SRPK2: variants seen among roughly 807,000 people sequenced by gnomAD.
SRPK2 encodes the protein SRSF protein kinase 2.
SRPK2 carries 21 observed loss-of-function variants against 90.8 expected under a neutral mutation model. The ratio of observed to expected loss-of-function variants is 0.23; its 90% CI spans 0.16 to 0.33. SRPK2 has a LOEUF of 0.33. SRPK2 is among the 10% of genes least tolerant of loss of function. The probability of loss-of-function intolerance (pLI) is 1.00; values close to 1 mark genes in which losing one functional copy is unlikely to be tolerated. For synonymous variants in SRPK2, 288 were observed against 311.1 expected, an observed-to-expected ratio of 0.93 and a Z score of 0.78; for missense variants, 620 against 869.0, an observed-to-expected ratio of 0.71 and a Z score of 3.60.
At chr7:105,234,302 C>T (rs1398030975) in intron 2 of SRPK2, among the ~76,000 whole-genome samples, 11 of 152,186 alleles carry the variant, frequency 7.2e-5, no homozygotes, top group African/African-American at 2.6e-4. Flanking sequence ...TAAAACAATG[C>T]AAATATATTA....
At chr7:105,163,497 T>G (rs369916602) in intron 6 of SRPK2, among the ~76,000 whole-genome samples, 51 of 151,892 alleles carry the variant, frequency 3.4e-4, no homozygotes, top group African/African-American at 1.2e-3. Context: ...TCAATTTGTG[T>G]GGAAAAAAAG....
upstream of SRPK2, chr7:105,389,472 T>C (rs1822079939): frequency 8.9e-7 from 1 of 1,127,558 alleles, no homozygotes; most frequent in Non-Finnish European, 1.1e-6. Flanking sequence ...AGAAGTCATT[T>C]TCTCTCCCAC....
chr7:105,293,143 C>T (rs56338352), intron 2 of SRPK2, among the ~76,000 whole-genome samples: 66,121 of 151,872 alleles, frequency 0.44, 15,710 homozygotes, highest in South Asian at 0.54. Context: ...ACTAAAAATA[C>T]AAAAATTGGC....
chr7:105,379,154 AAAATAT>A (rs909197128), intron 2 of SRPK2, among the ~76,000 whole-genome samples: 2 of 150,088 alleles, frequency 1.3e-5, no homozygotes, highest in African/African-American at 4.9e-5. Context: ...TCTCTAAAAA[AAAATAT>A]ATATATATAT....
intron 2 of SRPK2, chr7:105,244,506 G>A (rs1182080114): frequency 4.5e-6 from 2 of 444,610 alleles, no homozygotes; most frequent in Non-Finnish European, 8.2e-6. Context: ...CCCGGGAGGC[G>A]GAGCTTGCAG....
At chr7:105,384,257 T>C (rs1023431149) in intron 2 of SRPK2, among the ~76,000 whole-genome samples, 2 of 152,212 alleles carry the variant, frequency 1.3e-5, no homozygotes, top group Non-Finnish European at 2.9e-5. Flanking sequence ...TAAACAGCAC[T>C]ACAGTCCTTC....
chr7:105,375,905 CTACT>C (rs1351059715), intron 2 of SRPK2, among the ~76,000 whole-genome samples: 1 of 150,714 alleles, frequency 6.6e-6, no homozygotes, highest in Non-Finnish European at 1.5e-5. Flanking sequence ...GTAGTCCCAG[CTACT>C]CAGAAGGCTA....
At chr7:105,368,884 CAAAAAA>C (rs5886350) in intron 2 of SRPK2, among the ~76,000 whole-genome samples, 1 of 93,120 alleles carries the variant, frequency 1.1e-5, no homozygotes, top group African/African-American at 3.9e-5. Flanking sequence ...AACTCTATCT[CAAAAAA>C]AAAAAAAAAA....
At chr7:105,258,013 A>G (rs1229437029) in intron 2 of SRPK2, among the ~76,000 whole-genome samples, 2 of 151,934 alleles carry the variant, frequency 1.3e-5, no homozygotes, top group Non-Finnish European at 2.9e-5. Flanking sequence ...AGGGGGAGGC[A>G]GGATAATTGC....
upstream of SRPK2, among the ~76,000 whole-genome samples, chr7:105,392,987 ATTT>A (rs113221953): frequency 1.1e-5 from 1 of 94,994 alleles, no homozygotes; most frequent in Non-Finnish European, 2.2e-5. Flanking sequence ...TAATTTTTGT[ATTT>A]TTTTTTTTTT....
At chr7:105,202,175 T>C (rs1475036866) in intron 3 of SRPK2, among the ~76,000 whole-genome samples, 1 of 152,164 alleles carries the variant, frequency 6.6e-6, no homozygotes, top group Non-Finnish European at 1.5e-5. Flanking sequence ...CAGGTTAGAG[T>C]AGATTAGTTC....
chr7:105,174,288 G>C (rs1228608923), intron 3 of SRPK2, among the ~76,000 whole-genome samples: 1 of 152,096 alleles, frequency 6.6e-6, no homozygotes, highest in African/African-American at 2.4e-5. Flanking sequence ...CTATTTGGGA[G>C]ACTTACTGGC....
chr7:105,382,210 C>G lies in SRPK2; in HGVS notation c.71+6438G>C, dbSNP rs566986633. 1.7e-4 allele frequency among the ~76,000 whole-genome samples: 25 copies of G among 151,418 alleles called. No individual in the cohort carries two copies. The South Asian group carries it at 4.8e-3, about 29-fold the overall frequency. On this transcript the variant is annotated intron_variant, in intron 2 of 15. Transcript: ENST00000393651. ...CAAAGTATACCCAGATATCCTTTAG[C>G]CTGTGAATAAACTGTTAATCCACAC...
At chr7:105,253,797 C>T (rs1363342233) in intron 2 of SRPK2, among the ~76,000 whole-genome samples, 3 of 151,894 alleles carry the variant, frequency 2.0e-5, no homozygotes, top group African/African-American at 7.3e-5. Flanking sequence ...TGTAGTGCAA[C>T]AAAATTAAGT....
chr7:105,121,264 G>A (rs1457799675), intron 15 of SRPK2, among the ~76,000 whole-genome samples: 1 of 151,630 alleles, frequency 6.6e-6, no homozygotes, highest in Non-Finnish European at 1.5e-5. Flanking sequence ...AAAATCGTTT[G>A]AACCCAGGAG....
chr7:105,279,399 A>G (rs1354265305), intron 2 of SRPK2, among the ~76,000 whole-genome samples: 2 of 152,240 alleles, frequency 1.3e-5, no homozygotes, highest in African/African-American at 4.8e-5. Context: ...CCCAAGAGAA[A>G]TACTAGTTCA....
intron 2 of SRPK2, among the ~76,000 whole-genome samples, chr7:105,205,754 C>T (rs1370871726): frequency 6.6e-6 from 1 of 152,152 alleles, no homozygotes; most frequent in Non-Finnish European, 1.5e-5. Flanking sequence ...TTTGCCACTT[C>T]CCCAGCGGGA....
intron 1 of SRPK2, among the ~76,000 whole-genome samples, chr7:105,396,774 A>AAG (rs1554535222): frequency 0.025 from 3,415 of 139,140 alleles, 111 homozygotes; most frequent in African/African-American, 0.068. Flanking sequence ...GAGAGAAAGA[A>AAG]AGAGAGAGAA....
At chr7:105,373,951 G>C (rs538723715) in intron 2 of SRPK2, among the ~76,000 whole-genome samples, 5 of 151,688 alleles carry the variant, frequency 3.3e-5, no homozygotes, top group African/African-American at 1.2e-4. Context: ...TTTTTGAGAT[G>C]GAGTCTTGCT....
Sources: allele counts gnomAD v4.1 joint callset (sites outside exome capture counted in the v4.1 genomes callset), GRCh38; gene constraint gnomAD v4.1.1; transcripts MANE v1.5; gene names NCBI Gene and HGNC (gene_info 2026-07-23, HGNC 2026-07-21).